ACVR1C: variants seen among roughly 807,000 people sequenced by gnomAD.
ACVR1C encodes activin A receptor type 1C.
ACVR1C carries 23 observed loss-of-function variants against 57.9 expected under a neutral mutation model. The ratio of observed to expected loss-of-function variants is 0.40; its 90% CI spans 0.29 to 0.56. The LOEUF (loss-of-function observed/expected upper bound fraction) is 0.56. ACVR1C is among the 20% of genes least tolerant of loss of function. The pLI, the probability that ACVR1C is intolerant of heterozygous loss-of-function variation, is 0.50. For synonymous variants in ACVR1C, 214 were observed against 215.3 expected (o/e 0.99, Z 0.05); for missense variants, 480 against 607.9 (o/e 0.79, Z 2.21).
chr2:157,554,277 A>AG (rs1688023715), intron 3 of ACVR1C, among the ~76,000 whole-genome samples: 13 of 135,440 alleles, frequency 9.6e-5, no homozygotes, highest in African/African-American at 4.3e-4. Context: ...GAAAGGAAGG[A>AG]AGGAAGAGAG....
At chr2:157,586,390 G>A (rs1254774609) in intron 2 of ACVR1C, among the ~76,000 whole-genome samples, 1 of 151,978 alleles carries the variant, frequency 6.6e-6, no homozygotes, top group Non-Finnish European at 1.5e-5. Flanking sequence ...TAATTTGTAA[G>A]GAAATATATG....
intron 2 of ACVR1C, among the ~76,000 whole-genome samples, chr2:157,582,800 T>C (rs1014091158): frequency 1.3e-5 from 2 of 152,248 alleles, no homozygotes; most frequent in African/African-American, 4.8e-5. Context: ...CTATATTCAT[T>C]GATAAGATGA....
At chr2:157,550,074 C>A in intron 4 of ACVR1C, 88 bp downstream of exon 4, 10 of 965,814 alleles carry the variant, frequency 1.0e-5, no homozygotes, top group South Asian at 4.0e-5. Context: ...TTTTTCTTAT[C>A]TGATACTAGA....
At chr2:157,619,634 T>C (rs74922070) in intron 1 of ACVR1C, among the ~76,000 whole-genome samples, 4,341 of 152,056 alleles carry the variant, frequency 0.029, 229 homozygotes, top group African/African-American at 0.098. Flanking sequence ...TAAAATAGGA[T>C]AAACTCTGAC....
At chr2:157,612,104 C>A (rs1682548404) in intron 1 of ACVR1C, among the ~76,000 whole-genome samples, 1 of 152,126 alleles carries the variant, frequency 6.6e-6, no homozygotes, top group Non-Finnish European at 1.5e-5. Context: ...GGCCACACAC[C>A]AGAGTACAGA....
chr2:157,619,519 T>C (rs1682720316), intron 1 of ACVR1C, among the ~76,000 whole-genome samples: 1 of 151,992 alleles, frequency 6.6e-6, no homozygotes, highest in Admixed American at 6.6e-5. Flanking sequence ...TAAGGTTTTA[T>C]TGAAATGCAG....
intron 4 of ACVR1C, among the ~76,000 whole-genome samples, chr2:157,545,860 T>C (rs147355073): frequency 3.2e-4 from 49 of 152,250 alleles, no homozygotes; most frequent in African/African-American, 1.1e-3. Context: ...CTGCAACCTG[T>C]GCCTCCTGGG....
intron 8 of ACVR1C, 57 bp downstream of exon 8, chr2:157,538,516 C>T: frequency 7.0e-7 from 1 of 1,429,290 alleles, no homozygotes; most frequent in South Asian, 1.7e-5. Context: ...GAAAAGTCTC[C>T]CCGATACTCA....
At chr2:157,580,722 G>C (rs1431806089) in intron 2 of ACVR1C, among the ~76,000 whole-genome samples, 1 of 152,068 alleles carries the variant, frequency 6.6e-6, no homozygotes, top group Non-Finnish European at 1.5e-5. Context: ...GATCCTGGAG[G>C]CATCTGCCAG....
chr2:157,546,767 T>C (rs1211813248), intron 4 of ACVR1C, among the ~76,000 whole-genome samples: 5 of 152,224 alleles, frequency 3.3e-5, no homozygotes, highest in African/African-American at 1.2e-4. Context: ...AATCTGTGAT[T>C]ACACAAGCAT....
intron 2 of ACVR1C, among the ~76,000 whole-genome samples, chr2:157,576,926 C>T (rs1440848513): frequency 4.7e-5 from 2 of 42,984 alleles, no homozygotes; most frequent in East Asian, 8.5e-4. Flanking sequence ...ACAATCTCGG[C>T]TCACTGCAAG....
At chr2:157,579,574 T>C (rs934896689) in intron 2 of ACVR1C, among the ~76,000 whole-genome samples, 2 of 152,222 alleles carry the variant, frequency 1.3e-5, no homozygotes, top group Non-Finnish European at 2.9e-5. Context: ...AAATATTTGG[T>C]CTATAATTTT....
chr2:157,628,549 C>G, intron 1 of ACVR1C, 23 bp downstream of exon 1: 1 of 1,604,002 alleles, frequency 6.2e-7, no homozygotes, highest in Non-Finnish European at 8.5e-7. Flanking sequence ...TCGCGGGCGT[C>G]GGGAGAGAAA....
Position 157,587,181 on chromosome 2 carries a change from C to T in ACVR1C, c.304+6G>A, listed in dbSNP as rs746155388. 8.8e-6 allele frequency: 14 copies of T among 1,599,026 alleles called. No individual in the cohort carries two copies. The highest frequency in any genetic ancestry group is 1.1e-5 in the Non-Finnish European group (13 of 1,166,632). ...AATTCGGAATGAACAAAGATAAACC[C>T]CTTACCTGTTGGAAGGTGCAGTGTT... On this transcript the variant is annotated splice_donor_region_variant and intron_variant, in intron 2 of 8. Transcript: ENST00000243349.
intron 3 of ACVR1C, among the ~76,000 whole-genome samples, chr2:157,553,325 G>A (rs1687964916): frequency 6.6e-6 from 1 of 151,924 alleles, no homozygotes; most frequent in African/African-American, 2.4e-5. Context: ...AACTGGCTTT[G>A]GGGGAAAAAT....
At chr2:157,586,252 T>C (rs1688919223) in intron 2 of ACVR1C, among the ~76,000 whole-genome samples, 1 of 152,120 alleles carries the variant, frequency 6.6e-6, no homozygotes, top group African/African-American at 2.4e-5. Flanking sequence ...TATTATATTT[T>C]ATAAAATAAA....
At chr2:157,610,142 T>C (rs1407644350) in intron 1 of ACVR1C, among the ~76,000 whole-genome samples, 2 of 152,150 alleles carry the variant, frequency 1.3e-5, no homozygotes, top group African/African-American at 2.4e-5. Context: ...TCAGTGAGTT[T>C]TATACTTTCA....
At chr2:157,538,910 TATAA>T (rs1195301764) in intron 7 of ACVR1C, among the ~76,000 whole-genome samples, 1 of 150,712 alleles carries the variant, frequency 6.6e-6, no homozygotes, top group Non-Finnish European at 1.5e-5. Flanking sequence ...AATTTTGTAT[TATAA>T]ATGTTTTCAT....
chr2:157,551,161 T>G (rs1057004579), intron 3 of ACVR1C, among the ~76,000 whole-genome samples: 4 of 152,162 alleles, frequency 2.6e-5, no homozygotes, highest in Admixed American at 2.6e-4. Flanking sequence ...AGTGCAGAGA[T>G]TAAGAGCACA....
Sources: allele counts gnomAD v4.1 joint callset (sites outside exome capture counted in the v4.1 genomes callset), GRCh38; gene constraint gnomAD v4.1.1; transcripts MANE v1.5; gene names NCBI Gene and HGNC (gene_info 2026-07-23, HGNC 2026-07-21).